PUM1: variants seen among roughly 807,000 people sequenced by gnomAD.
PUM1 encodes pumilio homolog 1.
In PUM1, 13 loss-of-function variants were observed where a neutral mutation model predicts 131.8. That is an observed-to-expected ratio of 0.10 (90% confidence interval 0.06 to 0.16). The LOEUF is 0.16. PUM1 is among the 10% of genes least tolerant of loss of function. The pLI, the probability that PUM1 is intolerant of heterozygous loss-of-function variation, is 1.00. For missense variants in PUM1, 961 were observed against 1,512.4 expected (o/e 0.64, Z 6.05); for synonymous variants, 509 against 556.5 (o/e 0.91, Z 1.20).
rs142476112 is a variant in PUM1 at position 30,945,691 on chromosome 1, CAAT to C, written c.2857-211_2857-209del. 0.025 allele frequency among the ~76,000 whole-genome samples: 3,813 copies of C among 152,280 alleles called. 147 individuals carry two copies. The highest frequency in any genetic ancestry group is 0.084 in the African/African-American group (3,504 of 41,532). On this transcript the variant is annotated intron_variant, in intron 17 of 21. Transcript: ENST00000426105. ...AGCCAATTTACAGTAAAATTTCCAA[CAAT>C]AAATTTACTGTAACAATAACCAGTA...
chr1:30,953,942 G>A lies in PUM1; in HGVS notation c.2363C>T (p.Ala788Val). 6.2e-7 allele frequency: 1 copy of A among 1,614,242 alleles called. No individual in the cohort carries two copies. Among genetic ancestry groups the A allele is most frequent in the Non-Finnish European group, 8.5e-7 (1 of 1,180,044 alleles). Residue 788 changes from alanine (A) to valine (V), a missense_variant, in exon 15 of 22, where the codon GCT becomes GTT. By Grantham distance (64) the Ala-to-Val change is moderately conservative. Coordinates refer to ENST00000426105, the MANE Select transcript of PUM1 (RefSeq NM_001020658.2). ...TNGSGRYISAAPGAEAKYRSA... is the reference protein window; with the variant it reads ...TNGSGRYISAVPGAEAKYRSA... ...GCGGTACTTGGCTTCAGCGCCTGGA[G>A]CAGCAGAGATGTATCTTCCACTGCC...
chr1:30,993,163 T>C (rs755896415), intron 6 of PUM1, among the ~76,000 whole-genome samples: 58 of 152,126 alleles, frequency 3.8e-4, no homozygotes, highest in Non-Finnish European at 7.9e-4. Flanking sequence ...GTCGTTGGTA[T>C]TACTGACCAA....
At chr1:30,953,093 C>T (rs1216207667) in intron 15 of PUM1, among the ~76,000 whole-genome samples, 1 of 152,168 alleles carries the variant, frequency 6.6e-6, no homozygotes, top group Non-Finnish European at 1.5e-5. Context: ...TCAGGAAAAT[C>T]ATGTTGCCTC....
At chr1:30,937,405 T>C (rs1297733429) in intron 20 of PUM1, among the ~76,000 whole-genome samples, 1 of 151,424 alleles carries the variant, frequency 6.6e-6, no homozygotes, top group African/African-American at 2.4e-5. Context: ...ACTTGGGAGG[T>C]TGAGGCAGGA....
intron 2 of PUM1, among the ~76,000 whole-genome samples, chr1:31,055,962 G>C (rs1302148907): frequency 6.6e-6 from 1 of 152,154 alleles, no homozygotes; most frequent in Non-Finnish European, 1.5e-5. Flanking sequence ...AAAAACCAAT[G>C]TTTATGATTT....
chr1:31,041,577 C>T (rs1035726962), intron 2 of PUM1, among the ~76,000 whole-genome samples: 8 of 152,166 alleles, frequency 5.3e-5, no homozygotes, highest in Non-Finnish European at 8.8e-5. Context: ...TTGATATCCT[C>T]CCCATGGTAA....
chr1:30,989,620 T>C (rs1230282083), intron 7 of PUM1, among the ~76,000 whole-genome samples: 1 of 138,118 alleles, frequency 7.2e-6, no homozygotes, highest in Non-Finnish European at 1.5e-5. Context: ...TTCCACAAAG[T>C]CCTTCCCTTC....
At chr1:30,992,177 A>C (rs571889694) in intron 7 of PUM1, among the ~76,000 whole-genome samples, 1 of 152,314 alleles carries the variant, frequency 6.6e-6, no homozygotes, top group South Asian at 2.1e-4. Flanking sequence ...GGAAGTACAT[A>C]CAGAGGACGG....
At position 30,945,466 on chromosome 1, in the gene PUM1, T is replaced by G; in HGVS notation, c.2874A>C (p.Glu958Asp). ...CACACTTCAAGACATGGCCATCTAG[T>G]TCCCGAACCATCTCATTCTAATGGA... ...DQQVINEMVRELDGHVLKCVK... is the reference protein window; with the variant it reads ...DQQVINEMVRDLDGHVLKCVK... Residue 958 changes from glutamate (E) to aspartate (D), a missense_variant, in exon 18 of 22, where the codon GAA (glutamate) becomes GAC (aspartate). Transcript: ENST00000426105. 1 of 1,614,146 alleles carries G rather than the reference T, an allele frequency of 6.2e-7. No homozygotes were observed. The highest frequency in any genetic ancestry group is 8.5e-7 in the Non-Finnish European group (1 of 1,180,014).
intron 18 of PUM1, 68 bp from the exon 19 acceptor site, chr1:30,942,191 T>TCATATA (rs1553143894): frequency 7.0e-6 from 1 of 143,388 alleles, no homozygotes; most frequent in African/African-American, 6.0e-5. Flanking sequence ...TCAGTATTGT[T>TCATATA]TATATATATA....
chr1:30,952,647 T>C (rs887182403), intron 15 of PUM1, among the ~76,000 whole-genome samples: 11 of 111,934 alleles, frequency 9.8e-5, no homozygotes, highest in East Asian at 5.0e-4. Flanking sequence ...ATCTTATTTA[T>C]GTGCAAGGTG....
At position 31,038,984 on chromosome 1, in the gene PUM1, A is replaced by AT. The variant is rs35507851; in HGVS notation, c.364-10121dup. Reference sequence around the variant, plus strand: ...TATATATATATATATATATATATATATTTTTTTTTTTTTTTTCCTTTTCTC... The same window carrying AT: ...TATATATATATATATATATATATATATTTTTTTTTTTTTTTTTCCTTTTCTC... On this transcript the variant is annotated intron_variant, in intron 2 of 21. Transcript: ENST00000426105. 1.2e-3 allele frequency among the ~76,000 whole-genome samples: 61 copies of AT among 49,414 alleles called. 1 individual carries two copies. Among genetic ancestry groups the AT allele is most frequent in the African/African-American group, 2.9e-3 (14 of 4,832 alleles). The allele number at this position is 49,414 out of a possible 152,430, so 32.4% of individuals were successfully genotyped here. A position where few individuals can be genotyped will look rare whatever the true frequency, so the allele number is the denominator to read the frequency against.
Position 30,942,022 on chromosome 1 carries a change from G to C in PUM1, c.3096C>G (p.His1032Gln). ...DQTLPILEELHQHTEQLVQDQ... is the reference protein window; with the variant it reads ...DQTLPILEELQQHTEQLVQDQ... ...CCTGTACAAGCTGCTCTGTGTGCTG[G>C]TGAAGCTCCTCTAAAATAGGGAGTG... Residue 1032 changes from histidine (H) to glutamine (Q), a missense_variant, in exon 19 of 22, where the codon CAC becomes CAG. Around this residue, in one of 4 missense-constraint regions of PUM1, gnomAD observed 178 missense variants for 327.5 expected, o/e 0.54. Coordinates refer to ENST00000426105, the MANE Select transcript of PUM1 (RefSeq NM_001020658.2). 6.3e-7 allele frequency: 1 copy of C among 1,585,660 alleles called. No individual in the cohort carries two copies. Among genetic ancestry groups the C allele is most frequent in the Non-Finnish European group, 8.6e-7 (1 of 1,162,404 alleles).
At chr1:30,939,212 G>A (rs565169461) in intron 20 of PUM1, among the ~76,000 whole-genome samples, 1 of 152,290 alleles carries the variant, frequency 6.6e-6, no homozygotes, top group East Asian at 1.9e-4. Context: ...CTTCTGCTAT[G>A]TTCCACCAAA....
chr1:31,016,740 T>C (rs1642833151), intron 3 of PUM1, among the ~76,000 whole-genome samples: 2 of 152,224 alleles, frequency 1.3e-5, no homozygotes, highest in Admixed American at 1.3e-4. Flanking sequence ...TTGTTTCAAA[T>C]GGTTACTACT....
At chr1:30,944,633 A>G (rs1457768157) in intron 18 of PUM1, among the ~76,000 whole-genome samples, 6 of 152,256 alleles carry the variant, frequency 3.9e-5, no homozygotes, top group Admixed American at 3.9e-4. Context: ...TTAAGCAAAA[A>G]GCACCTTGTT....
intron 6 of PUM1, among the ~76,000 whole-genome samples, chr1:30,994,816 A>T (rs1413234145): frequency 6.6e-6 from 1 of 152,250 alleles, no homozygotes; most frequent in African/African-American, 2.4e-5. Flanking sequence ...TTCAGATTTT[A>T]AAGTTCTATG....
intron 9 of PUM1, 190 bp from the exon 10 acceptor site, chr1:30,974,992 C>A: frequency 2.5e-6 from 1 of 397,252 alleles, no homozygotes; most frequent in East Asian, 4.3e-5. Flanking sequence ...TTACACCAGT[C>A]TTCTAATATA....
chr1:31,038,984 A>ATATATATATATATTTTTTTTTT lies in PUM1; in HGVS notation c.364-10121_364-10120insAAAAAAAAAATATATATATATA. Among the ~76,000 whole-genome samples the ATATATATATATATTTTTTTTTT allele has an allele frequency of 1.4e-4, 7 of 49,414 alleles. 1 individual carries two copies. Among genetic ancestry groups the ATATATATATATATTTTTTTTTT allele is most frequent in the African/African-American group, 8.3e-4 (4 of 4,828 alleles). 32.4% of individuals were successfully genotyped at this position (49,414 alleles called of 152,430 possible). On this transcript the variant is annotated intron_variant, in intron 2 of 21. Coordinates refer to ENST00000426105, the MANE Select transcript of PUM1 (RefSeq NM_001020658.2). ...TATATATATATATATATATATATAT[A>ATATATATATATATTTTTTTTTT]TTTTTTTTTTTTTTTTCCTTTTCTC...
Sources: gnomAD v4.1 joint callset for allele counts (sites outside exome capture counted in the v4.1 genomes callset) on GRCh38, gnomAD v4.1.1 for gene constraint, gnomAD v4.1.1 regional missense constraint, MANE v1.5 for transcripts, NCBI Gene and HGNC (gene_info 2026-07-23, HGNC 2026-07-21) for gene names.